The following ARL8A variants were observed in gnomAD, a reference collection of about 807,000 sequenced individuals.
ARL8A encodes ARF like GTPase 8A.
A neutral mutation model predicts 31.2 loss-of-function variants in ARL8A; 10 were observed. That is an observed-to-expected ratio of 0.32 (90% CI 0.20 to 0.54). The LOEUF (loss-of-function observed/expected upper bound fraction) is 0.54. Among genes scored for constraint, ARL8A ranks in the 20% least tolerant of loss-of-function variants. ARL8A has a pLI of 0.93. For synonymous variants in ARL8A, 70 were observed against 86.9 expected, an observed-to-expected ratio of 0.81 and a Z score of 1.08; for missense variants, 129 against 242.8, an observed-to-expected ratio of 0.53 and a Z score of 3.12.
rs575866117 is a variant in ARL8A, at chr1:202,144,629, G to T, written c.-57C>A. 20 of 1,311,236 alleles carry T rather than the reference G, an allele frequency of 1.5e-5. No homozygotes were observed. The African/African-American group carries it at 1.9e-4, about 12-fold the overall frequency. The allele number at this position is 1,311,236 out of a possible 1,614,324, so 81.2% of individuals were successfully genotyped here. On this transcript the variant is annotated 5_prime_UTR_variant, in exon 1 of 7. Transcript: ENST00000272217. The surrounding 1 kb of genome is among the most constrained non-coding windows in gnomAD (Gnocchi z 5.2). The stretch of plus-strand genomic sequence containing the variant: ...GTCCCCGCCGCCCCTCGCTGCCCTC[G>T]CGCTGCGGCCCGGAGCGGCCCCTCC...
Position 202,138,559 on chromosome 1 carries a change from C to G in ARL8A, c.124-111G>C. 1.0e-6 allele frequency: 1 copy of G among 984,108 alleles called. No homozygotes were observed. Among genetic ancestry groups the G allele is most frequent in the Non-Finnish European group, 1.6e-6 (1 of 636,154 alleles). The allele number at this position is 984,108 out of a possible 1,614,324, so 61.0% of individuals were successfully genotyped here. A position where few individuals can be genotyped will look rare whatever the true frequency, so the allele number is the denominator to read the frequency against. ...GCCAGGCCAGAGCTTCCTAGACTTC[C>G]CACTGTGGGGTACTCTTGCACATCC... is the stretch of plus-strand genomic sequence containing the variant. On this transcript the variant is annotated intron_variant, in intron 1 of 6. Coordinates refer to ENST00000272217, the MANE Select transcript of ARL8A (RefSeq NM_138795.4). The surrounding 1 kb of genome is among the most constrained non-coding windows in gnomAD (Gnocchi z 4.4).
chr1:202,135,086 T>C lies in ARL8A; in HGVS notation c.511+64A>G. ...CAGGGAAAGTTGTGGAGCGAGAACC[T>C]GAGAGCCACTAAAACACTCAGAAAT... On this transcript the variant is annotated intron_variant, in intron 6 of 6. Transcript: ENST00000272217. The surrounding 1 kb of genome is among the most constrained non-coding windows in gnomAD (Gnocchi z 5.3). 6.7e-7 allele frequency: 1 copy of C among 1,500,168 alleles called. No individual in the cohort carries two copies. Among genetic ancestry groups the C allele is most frequent in the Non-Finnish European group, 9.3e-7 (1 of 1,077,596 alleles). The allele number at this position is 1,500,168 out of a possible 1,614,324, so 92.9% of individuals were successfully genotyped here.
chr1:202,134,481 A>T lies in ARL8A; in HGVS notation c.547T>A (p.Ser183Thr). The T allele has an allele frequency of 6.2e-7, 1 of 1,613,542 alleles. No homozygotes were observed. Among genetic ancestry groups the T allele is most frequent in the Non-Finnish European group, 8.5e-7 (1 of 1,179,554 alleles). ...GGGCTGGAGTCTCAGCTTCTCCGTG[A>T]CTTCGAGTGTTGAATAAGCCACTGT... The part of the protein sequence containing the change: ...TLQWLIQHSK[S>T]RRS The change falls in exon 7 of 7, where the codon TCA becomes ACA. Residue 183 changes from serine (S) to threonine (T), a missense_variant. By Grantham distance (58) the Ser-to-Thr change is moderately conservative (BLOSUM62 1). Coordinates refer to ENST00000272217, the MANE Select transcript of ARL8A (RefSeq NM_138795.4). This position sits in a 1 kb window ranked among gnomAD's most constrained non-coding sequence, Gnocchi z 4.2.
At position 202,135,793 on chromosome 1, in the gene ARL8A, C is replaced by T; in HGVS notation, c.286G>A (p.Val96Met). The part of the protein sequence containing the change: ...CRGVSAIVYM[V>M]DAADQEKIEA... Reference sequence around the variant, plus strand: ...ATCTTCTCCTGGTCAGCAGCATCCACCATGTACCTGGGGAAAGAGGCAGGG... The same window carrying T: ...ATCTTCTCCTGGTCAGCAGCATCCATCATGTACCTGGGGAAAGAGGCAGGG... The change falls in exon 4 of 7, where the codon GTG becomes ATG. Residue 96 changes from valine to methionine, a missense_variant. By Grantham distance (21) the Val-to-Met change is conservative. Coordinates refer to ENST00000272217, the MANE Select transcript of ARL8A (RefSeq NM_138795.4). This position sits in a 1 kb window ranked among gnomAD's most constrained non-coding sequence, Gnocchi z 5.3. 6.2e-7 allele frequency: 1 copy of T among 1,613,978 alleles called. No individual in the cohort carries two copies. Among genetic ancestry groups the T allele is most frequent in the Non-Finnish European group, 8.5e-7 (1 of 1,179,882 alleles).
intron 1 of ARL8A, among the ~76,000 whole-genome samples, chr1:202,139,621 T>G (rs1655112209): frequency 7.2e-6 from 1 of 139,450 alleles, no homozygotes. Flanking sequence ...CTGAGGGTGA[T>G]AGCCCTGTTC....
In ARL8A at chr1:202,134,402, G is replaced by A; in HGVS notation, c.*65C>T. 1 of 1,539,024 alleles carries A rather than the reference G, an allele frequency of 6.5e-7. No individual in the cohort carries two copies. Among genetic ancestry groups the A allele is most frequent in the Non-Finnish European group, 9.0e-7 (1 of 1,113,668 alleles). ...GGGCTTAGGGGGACGACAGGGGTGG[G>A]CGGGGAGCTCGGCTTCAGGTTTAGA... is the stretch of plus-strand genomic sequence containing the variant. On this transcript the variant is annotated 3_prime_UTR_variant, in exon 7 of 7. Coordinates refer to ENST00000272217, the MANE Select transcript of ARL8A (RefSeq NM_138795.4). This position sits in a 1 kb window ranked among gnomAD's most constrained non-coding sequence, Gnocchi z 4.2.
chr1:202,143,001 A>G (rs1655200412), intron 1 of ARL8A, among the ~76,000 whole-genome samples: 1 of 152,094 alleles, frequency 6.6e-6, no homozygotes, highest in Admixed American at 6.6e-5. Flanking sequence ...GCCTAAGTCA[A>G]TGCCAAGTTT....
chr1:202,142,152 C>A (rs1344640753), intron 1 of ARL8A, among the ~76,000 whole-genome samples: 2 of 152,248 alleles, frequency 1.3e-5, no homozygotes, highest in African/African-American at 4.8e-5. Flanking sequence ...CAGGCGTGAG[C>A]CACCATGCCC....
At position 202,134,246 on chromosome 1, in the gene ARL8A, G is replaced by A. The variant is rs565064519; in HGVS notation, c.*221C>T. 15 of 560,440 alleles carry A rather than the reference G, an allele frequency of 2.7e-5. No homozygotes were observed. The highest frequency in any genetic ancestry group is 9.3e-5 in the Admixed American group (3 of 32,156). The allele number at this position is 560,440 out of a possible 1,614,324, so 34.7% of individuals were successfully genotyped here. On this transcript the variant is annotated 3_prime_UTR_variant, in exon 7 of 7. Transcript: ENST00000272217. This position sits in a 1 kb window ranked among gnomAD's most constrained non-coding sequence, Gnocchi z 4.2. ...GCTGGGTGATGGGACAAAGGCAGCG[G>A]GGAAGGGTGAGAAGTTAGGGGACCA...
In ARL8A at chr1:202,144,690, GGAGGCTCGAGCGCGGCT is replaced by G; in HGVS notation, c.-135_-119del. The G allele has an allele frequency of 9.8e-7, 1 of 1,019,446 alleles. No homozygotes were observed. 63.2% of individuals were successfully genotyped at this position (1,019,446 alleles called of 1,614,324 possible). A position where few individuals can be genotyped will look rare whatever the true frequency, so the allele number is the denominator to read the frequency against. On this transcript the variant is annotated 5_prime_UTR_variant, in exon 1 of 7. Transcript: ENST00000272217. This position sits in a 1 kb window ranked among gnomAD's most constrained non-coding sequence, Gnocchi z 5.2. ...CCGGGTCCCGCGGCTCGGTGCGGGC[GGAGGCTCGAGCGCGGCT>G]GCCGACGACTCGCTGCCCCGGAATC... is the stretch of plus-strand genomic sequence containing the variant.
Position 202,134,573 on chromosome 1 carries a change from C to A in ARL8A, c.512-57G>T. ...CCTGCAAGTACTGGCCGTGCTGGGG[C>A]AGCAGAGAGGCCCAAGAAACCAAAC... On this transcript the variant is annotated intron_variant, in intron 6 of 6. Transcript: ENST00000272217. This position sits in a 1 kb window ranked among gnomAD's most constrained non-coding sequence, Gnocchi z 4.2. 6.5e-7 allele frequency: 1 copy of A among 1,532,372 alleles called. No individual in the cohort carries two copies. Among genetic ancestry groups the A allele is most frequent in the Non-Finnish European group, 9.0e-7 (1 of 1,105,762 alleles). 94.9% of individuals were successfully genotyped at this position (1,532,372 alleles called of 1,614,324 possible). A position where few individuals can be genotyped will look rare whatever the true frequency, so the allele number is the denominator to read the frequency against.
chr1:202,141,014 C>G (rs114578285), intron 1 of ARL8A, among the ~76,000 whole-genome samples: 1 of 152,176 alleles, frequency 6.6e-6, no homozygotes, highest in African/African-American at 2.4e-5. Flanking sequence ...GGAACCATCA[C>G]TGCTCTTTGG....
Position 202,138,163 on chromosome 1 carries a change from TCC to T in ARL8A, c.205-127_205-126del. On this transcript the variant is annotated intron_variant, in intron 2 of 6. Coordinates refer to ENST00000272217, the MANE Select transcript of ARL8A (RefSeq NM_138795.4). The surrounding 1 kb of genome is among the most constrained non-coding windows in gnomAD (Gnocchi z 4.4). The stretch of plus-strand genomic sequence containing the variant: ...GCCTCCCCGGCTTCCTCTCCAGTTC[TCC>T]CCCGTCTCCACCCGCTCTCCGTCTA... The T allele has an allele frequency of 8.3e-7, 1 of 1,203,364 alleles. No homozygotes were observed. Among genetic ancestry groups the T allele is most frequent in the Non-Finnish European group, 1.2e-6 (1 of 837,068 alleles). 74.5% of individuals were successfully genotyped at this position (1,203,364 alleles called of 1,614,324 possible).
chr1:202,144,637 G>C lies in ARL8A; in HGVS notation c.-65C>G. ...CGCCCCTCGCTGCCCTCGCGCTGCG[G>C]CCCGGAGCGGCCCCTCCCCGGTACG... On this transcript the variant is annotated 5_prime_UTR_variant, in exon 1 of 7. Coordinates refer to ENST00000272217, the MANE Select transcript of ARL8A (RefSeq NM_138795.4). The surrounding 1 kb of genome is among the most constrained non-coding windows in gnomAD (Gnocchi z 5.2). The C allele has an allele frequency of 5.7e-6, 7 of 1,227,850 alleles. No individual in the cohort carries two copies. Among genetic ancestry groups the C allele is most frequent in the Non-Finnish European group, 7.2e-6 (7 of 969,120 alleles). The allele number at this position is 1,227,850 out of a possible 1,614,324, so 76.1% of individuals were successfully genotyped here. A position where few individuals can be genotyped will look rare whatever the true frequency, so the allele number is the denominator to read the frequency against.
intron 1 of ARL8A, among the ~76,000 whole-genome samples, chr1:202,142,855 G>A (rs1238669964): frequency 6.6e-6 from 1 of 152,110 alleles, no homozygotes; most frequent in African/African-American, 2.4e-5. Context: ...CACAGCTATA[G>A]TAACACCCTG....
chr1:202,134,296 A>G lies in ARL8A; in HGVS notation c.*171T>C. ...AGAATGGGGGGCAATTTATTTTACAATAAAAACAGGAGTTCAAACCTCAGC... is the reference window on the plus strand; with the variant it reads ...AGAATGGGGGGCAATTTATTTTACAGTAAAAACAGGAGTTCAAACCTCAGC... On this transcript the variant is annotated 3_prime_UTR_variant, in exon 7 of 7. Transcript: ENST00000272217. This position sits in a 1 kb window ranked among gnomAD's most constrained non-coding sequence, Gnocchi z 4.2. 1 of 604,560 alleles carries G rather than the reference A, an allele frequency of 1.7e-6. No homozygotes were observed. The highest frequency in any genetic ancestry group is 2.9e-6 in the Non-Finnish European group (1 of 340,058). The allele number at this position is 604,560 out of a possible 1,614,324, so 37.4% of individuals were successfully genotyped here.
At chr1:202,143,614 G>A (rs1182914356) in intron 1 of ARL8A, among the ~76,000 whole-genome samples, 4 of 152,102 alleles carry the variant, frequency 2.6e-5, no homozygotes, top group Non-Finnish European at 5.9e-5. Flanking sequence ...TTTTGAGAGA[G>A]ATTTTAACTC....
rs1654986538 is a variant in ARL8A at position 202,135,648 on chromosome 1, G to C, written c.372+59C>G. The stretch of plus-strand genomic sequence containing the variant: ...CCCCTACCATGCCTGGCTTTTACCT[G>C]CTCCCAGTGACTTCCCAGCCGAGCT... On this transcript the variant is annotated intron_variant, in intron 4 of 6. Transcript: ENST00000272217. The surrounding 1 kb of genome is among the most constrained non-coding windows in gnomAD (Gnocchi z 5.3). 1.9e-6 allele frequency: 3 copies of C among 1,583,792 alleles called. No homozygotes were observed. Among genetic ancestry groups the C allele is most frequent in the Non-Finnish European group, 2.6e-6 (3 of 1,153,146 alleles).
At chr1:202,136,577 C>A (rs1218398708) in intron 3 of ARL8A, among the ~76,000 whole-genome samples, 1 of 151,654 alleles carries the variant, frequency 6.6e-6, no homozygotes, top group Non-Finnish European at 1.5e-5. Flanking sequence ...CCGCATCCAG[C>A]CTATTATTTT....
Sources: gnomAD v4.1 joint callset for allele counts (sites outside exome capture counted in the v4.1 genomes callset) on GRCh38, gnomAD v4.1.1 for gene constraint, Gnocchi (gnomAD v3.1) non-coding constraint, MANE v1.5 for transcripts, NCBI Gene and HGNC (gene_info 2026-07-23, HGNC 2026-07-21) for gene names.